KIAA1958: variants seen among roughly 807,000 people sequenced by gnomAD.
The protein encoded by KIAA1958 is KIAA1958.
KIAA1958 carries 14 observed loss-of-function variants against 47.2 expected under a neutral mutation model. That is an observed-to-expected ratio of 0.30 (90% CI 0.20 to 0.46). KIAA1958 has a LOEUF of 0.46. Among genes scored for constraint, KIAA1958 ranks in the 20% least tolerant of loss-of-function variants. KIAA1958 has a pLI of 1.00. For missense variants in KIAA1958, 803 were observed against 909.2 expected, an observed-to-expected ratio of 0.88 and a Z score of 1.50; for synonymous variants, 354 against 353.3, an observed-to-expected ratio of 1.00 and a Z score of -0.02.
At chr9:112,512,597 T>C (rs1470427074) in intron 1 of KIAA1958, among the ~76,000 whole-genome samples, 1 of 152,150 alleles carries the variant, frequency 6.6e-6, no homozygotes, top group Non-Finnish European at 1.5e-5. Context: ...CTCTGTCTCA[T>C]CCATTCGTTC....
At chr9:112,632,573 A>G (rs909594896) in intron 2 of KIAA1958, among the ~76,000 whole-genome samples, 1 of 152,136 alleles carries the variant, frequency 6.6e-6, no homozygotes, top group South Asian at 2.1e-4. Context: ...CAAATGAAAT[A>G]TATCTCATTT....
chr9:112,540,637 A>G (rs887045402), intron 1 of KIAA1958, among the ~76,000 whole-genome samples: 1 of 152,142 alleles, frequency 6.6e-6, no homozygotes, highest in Admixed American at 6.5e-5. Flanking sequence ...ACATTTCAAA[A>G]TCATGAAATT....
At chr9:112,658,770 T>G (rs112996338) in intron 3 of KIAA1958, among the ~76,000 whole-genome samples, 14 of 151,732 alleles carry the variant, frequency 9.2e-5, no homozygotes, top group Non-Finnish European at 1.6e-4. Flanking sequence ...CCATCCTGGC[T>G]AACACTGTGA....
chr9:112,650,054 AAAAAAG>A (rs1837032896), intron 3 of KIAA1958, among the ~76,000 whole-genome samples: 1 of 151,808 alleles, frequency 6.6e-6, no homozygotes, highest in Non-Finnish European at 1.5e-5. Flanking sequence ...TTGATACAGA[AAAAAAG>A]AAAAAAAACT....
At chr9:112,577,700 G>C (rs1835671054) in intron 2 of KIAA1958, among the ~76,000 whole-genome samples, 1 of 151,574 alleles carries the variant, frequency 6.6e-6, no homozygotes, top group Non-Finnish European at 1.5e-5. Flanking sequence ...AGTAAATGAG[G>C]CACTGAGGCG....
At position 112,661,850 on chromosome 9, in the gene KIAA1958, A is replaced by G. The variant is rs1837283411; in HGVS notation, c.*1781A>G. ...TTCCTGTAGTGATCTTAGGGTTTTG[A>G]TTTAAAAGAAATACACAAAACATTA... On this transcript the variant is annotated 3_prime_UTR_variant, in exon 4 of 4. Transcript: ENST00000337530. 6.6e-6 allele frequency: 1 copy of G among 152,170 alleles called. No homozygotes were observed. Among genetic ancestry groups the G allele is most frequent in the East Asian group, 1.9e-4 (1 of 5,196 alleles). The allele number at this position is 152,170 out of a possible 1,614,324, so 9.4% of individuals were successfully genotyped here. A position where few individuals can be genotyped will look rare whatever the true frequency, so the allele number is the denominator to read the frequency against.
At chr9:112,555,715 C>T (rs1268462134) in intron 1 of KIAA1958, among the ~76,000 whole-genome samples, 2 of 152,204 alleles carry the variant, frequency 1.3e-5, no homozygotes, top group African/African-American at 4.8e-5. Context: ...TTTCCTCCAG[C>T]TCTTTTGTAA....
At chr9:112,610,553 ATTACT>A (rs1442336748) in intron 2 of KIAA1958, among the ~76,000 whole-genome samples, 2 of 152,160 alleles carry the variant, frequency 1.3e-5, no homozygotes, top group South Asian at 2.1e-4. Context: ...ATCATAAGAC[ATTACT>A]TTATACAACT....
At position 112,574,222 on chromosome 9, in the gene KIAA1958, T is replaced by A; in HGVS notation, c.142T>A (p.Trp48Arg). ...EGSHGNLTAM[W>R]GCSAGHAYHW... ...TTCCCATGGGAACCTGACAGCAATGTGGGGCTGTAGTGCTGGCCATGCTTA... is the reference window on the plus strand; with the variant it reads ...TTCCCATGGGAACCTGACAGCAATGAGGGGCTGTAGTGCTGGCCATGCTTA... Residue 48 changes from tryptophan (W) to arginine (R), a missense_variant, in exon 2 of 4, where the codon TGG becomes AGG. Coordinates refer to ENST00000337530, the MANE Select transcript of KIAA1958 (RefSeq NM_133465.4). The A allele has an allele frequency of 6.2e-7, 1 of 1,614,108 alleles. No homozygotes were observed. The highest frequency in any genetic ancestry group is 8.5e-7 in the Non-Finnish European group (1 of 1,179,990).
chr9:112,610,200 T>A (rs1435024292), intron 2 of KIAA1958, among the ~76,000 whole-genome samples: 1 of 151,984 alleles, frequency 6.6e-6, no homozygotes, highest in Non-Finnish European at 1.5e-5. Context: ...TAGCATTATA[T>A]AGCAAAACCT....
intron 3 of KIAA1958, among the ~76,000 whole-genome samples, chr9:112,654,330 G>A (rs184789479): frequency 8.9e-4 from 136 of 152,202 alleles, no homozygotes; most frequent in South Asian, 3.7e-3. Context: ...ATCACATTAG[G>A]AGAATGGATA....
chr9:112,572,849 C>T (rs1361602346), intron 1 of KIAA1958, among the ~76,000 whole-genome samples: 2 of 152,194 alleles, frequency 1.3e-5, no homozygotes, highest in African/African-American at 4.8e-5. Context: ...ACCTAACCTC[C>T]CTGACAGGGC....
At chr9:112,573,497 G>A (rs1835575248) in intron 1 of KIAA1958, among the ~76,000 whole-genome samples, 1 of 152,022 alleles carries the variant, frequency 6.6e-6, no homozygotes, top group Admixed American at 6.5e-5. Flanking sequence ...CCTCTCCTTG[G>A]ACTCCCAGTT....
intron 1 of KIAA1958, among the ~76,000 whole-genome samples, chr9:112,515,086 G>A (rs1834394716): frequency 7.8e-6 from 1 of 128,450 alleles, no homozygotes; most frequent in Non-Finnish European, 1.7e-5. Context: ...GAGGTGGGGG[G>A]GGGTCGGCCC....
intron 2 of KIAA1958, among the ~76,000 whole-genome samples, chr9:112,615,396 G>C (rs953748747): frequency 2.0e-5 from 3 of 148,920 alleles, no homozygotes; most frequent in African/African-American, 7.4e-5. Flanking sequence ...CTCCAGCCTG[G>C]GTGACAGAGC....
At chr9:112,517,215 G>GA (rs1489490405) in intron 1 of KIAA1958, among the ~76,000 whole-genome samples, 2 of 90,200 alleles carry the variant, frequency 2.2e-5, no homozygotes, top group East Asian at 2.9e-4. Context: ...GAACATCATA[G>GA]AGAGTCCAGA....
intron 1 of KIAA1958, among the ~76,000 whole-genome samples, chr9:112,533,304 A>G (rs1487008595): frequency 6.6e-6 from 1 of 151,970 alleles, no homozygotes; most frequent in East Asian, 1.9e-4. Context: ...ACGGTGGCTC[A>G]CTTCCAAAGT....
intron 2 of KIAA1958, among the ~76,000 whole-genome samples, chr9:112,594,776 G>T (rs1296541153): frequency 6.6e-6 from 1 of 152,140 alleles, no homozygotes; most frequent in East Asian, 1.9e-4. Flanking sequence ...GTATGCTAAC[G>T]ATTTTAACTT....
intron 1 of KIAA1958, among the ~76,000 whole-genome samples, chr9:112,560,620 C>T (rs567187143): frequency 3.3e-5 from 5 of 152,248 alleles, no homozygotes; most frequent in South Asian, 2.1e-4. Context: ...AACTAGTTTG[C>T]GTCACATAAC....
Sources: gnomAD v4.1 joint callset for allele counts (sites outside exome capture counted in the v4.1 genomes callset) on GRCh38, gnomAD v4.1.1 for gene constraint, MANE v1.5 for transcripts, NCBI Gene and HGNC (gene_info 2026-07-23, HGNC 2026-07-21) for gene names.